THSD7B: variants seen among roughly 807,000 people sequenced by gnomAD.
The protein encoded by THSD7B is thrombospondin type-1 domain-containing protein 7B.
Under a neutral mutation model 213.6 loss-of-function variants are expected in THSD7B, and 138 were observed. The ratio of observed to expected loss-of-function variants is 0.65; its 90% CI spans 0.56 to 0.74. THSD7B has a LOEUF of 0.74. THSD7B is among the 30% of genes least tolerant of loss of function. The pLI, the probability that THSD7B is intolerant of heterozygous loss-of-function variation, is 0.00. For missense variants in THSD7B, 1,931 were observed against 1,991.5 expected (o/e 0.97, Z 0.58); for synonymous variants, 742 against 687.0 (o/e 1.08, Z -1.25).
At chr2:136,887,270 G>A (rs1219198014) in intron 2 of THSD7B, among the ~76,000 whole-genome samples, 3 of 149,612 alleles carry the variant, frequency 2.0e-5, no homozygotes, top group Admixed American at 6.7e-5. Flanking sequence ...TGAATAATAC[G>A]TTCTGAAATA....
At chr2:136,985,516 A>C (rs368678396) in intron 2 of THSD7B, among the ~76,000 whole-genome samples, 12 of 152,220 alleles carry the variant, frequency 7.9e-5, no homozygotes, top group African/African-American at 2.9e-4. Flanking sequence ...TGGCATGCAG[A>C]ATGCAGGAGA....
rs1242277187 is a variant in THSD7B at position 136,966,822 on chromosome 2, T to C, written c.139+84505T>C. Reference sequence around the variant, plus strand: ...CCTGCCTAAAACAACCTTTTTTCCTTCTTTCTAAGTCCTATACATGTTCCA... The same window carrying C: ...CCTGCCTAAAACAACCTTTTTTCCTCCTTTCTAAGTCCTATACATGTTCCA... On this transcript the variant is annotated intron_variant, in intron 2 of 27. Coordinates refer to ENST00000409968, the MANE Select transcript of THSD7B (RefSeq NM_001316349.2). Among the ~76,000 whole-genome samples the C allele has an allele frequency of 4.6e-5, 7 of 152,248 alleles. No homozygotes were observed. The East Asian group carries it at 1.2e-3, about 25-fold the overall frequency.
intron 17 of THSD7B, among the ~76,000 whole-genome samples, chr2:137,589,322 T>C (rs1260082579): frequency 6.6e-6 from 1 of 152,212 alleles, no homozygotes; most frequent in African/African-American, 2.4e-5. Context: ...ATTTTCTCTT[T>C]TATAATCATG....
intron 9 of THSD7B, among the ~76,000 whole-genome samples, chr2:137,238,639 C>CT (rs1681828471): frequency 6.9e-6 from 1 of 145,624 alleles, no homozygotes; most frequent in Non-Finnish European, 1.5e-5. Flanking sequence ...CTGCAAGCTC[C>CT]GCTTCCCGGG....
chr2:136,833,385 A>AAAAAG (rs1383636225), intron 1 of THSD7B, among the ~76,000 whole-genome samples: 601 of 136,024 alleles, frequency 4.4e-3, no homozygotes, highest in African/African-American at 9.8e-3. Flanking sequence ...AAAAAAAAAA[A>AAAAAG]AGAGAGAGAG....
At chr2:137,234,019 A>G (rs966964463) in intron 9 of THSD7B, among the ~76,000 whole-genome samples, 1 of 152,206 alleles carries the variant, frequency 6.6e-6, no homozygotes, top group African/African-American at 2.4e-5. Context: ...GTGCCTCCCC[A>G]GGAATTTTCA....
rs1680797969 is a variant in THSD7B at position 137,549,308 on chromosome 2, C to CTTTTTTTTTTTTTTTTTTTTTTTTT, written c.3139-13912_3139-13911insTTTTTTTTTTTTTTTTTTTTTTTTT. 6.0e-5 allele frequency among the ~76,000 whole-genome samples: 6 copies of CTTTTTTTTTTTTTTTTTTTTTTTTT among 100,178 alleles called. 3 individuals are homozygous for CTTTTTTTTTTTTTTTTTTTTTTTTT. The highest frequency in any genetic ancestry group is 1.7e-4 in the African/African-American group (4 of 23,548). The allele number at this position is 100,178 out of a possible 152,430, so 65.7% of individuals were successfully genotyped here. A position where few individuals can be genotyped will look rare whatever the true frequency, so the allele number is the denominator to read the frequency against. On this transcript the variant is annotated intron_variant, in intron 15 of 27. Coordinates refer to ENST00000409968, the MANE Select transcript of THSD7B (RefSeq NM_001316349.2). ...GCAGACATGTCTTTTTTTTCAGATG[C>CTTTTTTTTTTTTTTTTTTTTTTTTT]TCTTTTTTTTTTTTTTTTTTTTTTT...
chr2:137,592,332 C>A (rs1212241949), intron 17 of THSD7B, among the ~76,000 whole-genome samples: 1 of 151,688 alleles, frequency 6.6e-6, no homozygotes, highest in African/African-American at 2.4e-5. Flanking sequence ...TGATTATTTT[C>A]ATCAGTTTCT....
chr2:137,664,875 G>T (rs969712527), intron 26 of THSD7B, among the ~76,000 whole-genome samples: 7 of 151,924 alleles, frequency 4.6e-5, no homozygotes, highest in African/African-American at 1.7e-4. Context: ...CCTAGGGCAT[G>T]GGAAGGGAAA....
chr2:137,407,308 A>C (rs1686547383), intron 13 of THSD7B, among the ~76,000 whole-genome samples: 1 of 152,142 alleles, frequency 6.6e-6, no homozygotes, highest in Non-Finnish European at 1.5e-5. Flanking sequence ...ACTCATACTA[A>C]AAGACTGTTT....
chr2:137,419,349 C>T (rs1328118827), intron 14 of THSD7B, among the ~76,000 whole-genome samples: 2 of 150,468 alleles, frequency 1.3e-5, no homozygotes, highest in South Asian at 2.1e-4. Context: ...GAGCTCTCAG[C>T]CCCCACTTTT....
chr2:137,093,381 T>C (rs1316965000), intron 3 of THSD7B, among the ~76,000 whole-genome samples: 2 of 152,162 alleles, frequency 1.3e-5, no homozygotes, highest in African/African-American at 4.8e-5. Context: ...GAGGCTTGAT[T>C]TGTAGCATTT....
intron 1 of THSD7B, among the ~76,000 whole-genome samples, chr2:136,838,498 T>C (rs1682875384): frequency 1.3e-5 from 2 of 152,250 alleles, no homozygotes; most frequent in Admixed American, 1.3e-4. Flanking sequence ...TACTGGGTAC[T>C]AGAGCTTGGG....
chr2:136,976,652 G>A (rs1428264214), intron 2 of THSD7B, among the ~76,000 whole-genome samples: 1 of 147,714 alleles, frequency 6.8e-6, no homozygotes, highest in African/African-American at 2.5e-5. Context: ...TTCTTTTTTT[G>A]AGATGGAGTC....
intron 1 of THSD7B, among the ~76,000 whole-genome samples, chr2:136,873,456 C>T (rs575369607): frequency 6.6e-5 from 10 of 152,102 alleles, no homozygotes; most frequent in East Asian, 1.9e-4. Flanking sequence ...ATTGCAAGGC[C>T]GGAGGTTGTT....
At chr2:136,968,704 C>G (rs1685358686) in intron 2 of THSD7B, among the ~76,000 whole-genome samples, 1 of 152,102 alleles carries the variant, frequency 6.6e-6, no homozygotes, top group East Asian at 1.9e-4. Flanking sequence ...CAGATATTTC[C>G]TATATCATTT....
At chr2:137,302,717 T>C (rs754251048) in intron 12 of THSD7B, among the ~76,000 whole-genome samples, 1 of 152,232 alleles carries the variant, frequency 6.6e-6, no homozygotes, top group Middle Eastern at 3.4e-3. Flanking sequence ...AGAGAATGAT[T>C]TCACAAGAGA....
At chr2:136,990,276 C>T (rs1430652580) in intron 2 of THSD7B, among the ~76,000 whole-genome samples, 3 of 152,150 alleles carry the variant, frequency 2.0e-5, no homozygotes, top group Non-Finnish European at 4.4e-5. Flanking sequence ...TCATTTTTGT[C>T]TTCAGTAATG....
At chr2:137,659,253 C>A (rs16839254) in intron 24 of THSD7B, among the ~76,000 whole-genome samples, 2,454 of 152,220 alleles carry the variant, frequency 0.016, 63 homozygotes, top group African/African-American at 0.055. Flanking sequence ...TTGTTGAAAT[C>A]GGCCTAGTGC....
Sources: gnomAD v4.1 joint callset for allele counts (sites outside exome capture counted in the v4.1 genomes callset) on GRCh38, gnomAD v4.1.1 for gene constraint, MANE v1.5 for transcripts, NCBI Gene and HGNC (gene_info 2026-07-23, HGNC 2026-07-21) for gene names.